The following SGCD variants were observed in gnomAD, a reference collection of about 807,000 sequenced individuals.
The protein encoded by SGCD is sarcoglycan delta, also known as delta-sarcoglycan.
SGCD carries 18 observed loss-of-function variants against 36.6 expected under a neutral mutation model. The observed-to-expected ratio is 0.49, with a 90% CI of 0.34 to 0.73. SGCD has a LOEUF of 0.73. Ranked by LOEUF, SGCD falls within the 30% of genes least tolerant of loss-of-function variation. SGCD has a pLI of 0.01. For synonymous variants in SGCD, 133 were observed against 130.6 expected (o/e 1.02, Z -0.12); for missense variants, 387 against 346.7 (o/e 1.12, Z -0.92).
At position 155,989,265 on chromosome 5, in the gene SGCD, A is replaced by G. The variant is rs536981579; in HGVS notation, c.-282+118841A>G. Reference sequence around the variant, plus strand: ...CTGCCATTGCAGTATCAACACAGCCATAGACAATATGTATATGTTTTATGT... The same window carrying G: ...CTGCCATTGCAGTATCAACACAGCCGTAGACAATATGTATATGTTTTATGT... On this transcript the variant is annotated intron_variant, in intron 1 of 9. Coordinates refer to the SGCD transcript ENST00000517913. Among the ~76,000 whole-genome samples the G allele has an allele frequency of 2.2e-4, 34 of 152,334 alleles. No individual in the cohort carries two copies. The South Asian group carries it at 6.4e-3, about 29-fold the overall frequency.
chr5:155,728,497 G>C, the SGCD span, among the ~76,000 whole-genome samples: 1 of 152,214 alleles, frequency 6.6e-6, no homozygotes, highest in East Asian at 1.9e-4. Flanking sequence ...TGTGAGCAAG[G>C]GACACCCACA....
chr5:156,362,374 G>C (rs1193699102), intron 3 of SGCD, among the ~76,000 whole-genome samples: 1 of 152,182 alleles, frequency 6.6e-6, no homozygotes, highest in Non-Finnish European at 1.5e-5. Context: ...AGGCTGGCAC[G>C]TGGTGGCTCA....
intron 3 of SGCD, among the ~76,000 whole-genome samples, chr5:156,368,082 C>G (rs146866271): frequency 6.6e-6 from 1 of 151,732 alleles, no homozygotes; most frequent in Non-Finnish European, 1.5e-5. Context: ...TCTGTATTCA[C>G]GCTTGCTTTT....
intron 1 of SGCD, among the ~76,000 whole-genome samples, chr5:156,089,144 C>T (rs2127593653): frequency 6.6e-6 from 1 of 152,310 alleles, no homozygotes; most frequent in Middle Eastern, 3.4e-3. Flanking sequence ...TAACCCTGGA[C>T]TCACTGAACA....
At chr5:156,324,640 G>A (rs1181404375), upstream of SGCD, among the ~76,000 whole-genome samples, 6 of 152,206 alleles carry the variant, frequency 3.9e-5, no homozygotes, top group East Asian at 5.8e-4. Context: ...GCAGGGTCTC[G>A]TGAATCATAT....
chr5:156,122,775 A>G (rs1359256956), intron 2 of SGCD, among the ~76,000 whole-genome samples: 2 of 141,112 alleles, frequency 1.4e-5, no homozygotes, highest in Non-Finnish European at 3.0e-5. Flanking sequence ...CTAGTCTGAG[A>G]GAGCCTGCTG....
intron 2 of SGCD, among the ~76,000 whole-genome samples, chr5:156,330,164 A>G (rs193230696): frequency 1.4e-4 from 21 of 152,226 alleles, no homozygotes; most frequent in Admixed American, 1.4e-3. Flanking sequence ...GCTCAAAGGA[A>G]TTATTTATTG....
chr5:155,977,233 T>C lies in SGCD; in HGVS notation c.-282+106809T>C, dbSNP rs559339551. ...TGAGTTGTTGATTCCTGCCGCCCATTTAGTGTTCACATCACTTATTGTTTT... is the reference window on the plus strand; with the variant it reads ...TGAGTTGTTGATTCCTGCCGCCCATCTAGTGTTCACATCACTTATTGTTTT... On this transcript the variant is annotated intron_variant, in intron 1 of 9. Transcript: ENST00000517913. Among the ~76,000 whole-genome samples, 55 of 152,316 alleles carry C rather than the reference T, an allele frequency of 3.6e-4. No individual in the cohort carries two copies. The South Asian group carries it at 4.6e-3, about 13-fold the overall frequency.
chr5:156,120,329 C>T (rs147356899), intron 2 of SGCD, among the ~76,000 whole-genome samples: 1 of 152,098 alleles, frequency 6.6e-6, no homozygotes, highest in Non-Finnish European at 1.5e-5. Context: ...AATTGTCTCT[C>T]TCTATCAAGC....
intron 6 of SGCD, among the ~76,000 whole-genome samples, chr5:156,610,482 G>A (rs147755620): frequency 0.036 from 5,436 of 152,268 alleles, 325 homozygotes; most frequent in African/African-American, 0.12. Context: ...TAGGCTCCTC[G>A]GGGGTCAGGG....
chr5:156,380,899 G>C (rs1213048735), intron 3 of SGCD, among the ~76,000 whole-genome samples: 1 of 152,210 alleles, frequency 6.6e-6, no homozygotes, highest in Non-Finnish European at 1.5e-5. Context: ...AAGTCGAGTA[G>C]AAGATGTATG....
At chr5:155,843,263 A>G in the SGCD span, among the ~76,000 whole-genome samples, 2 of 152,202 alleles carry the variant, frequency 1.3e-5, no homozygotes, top group Non-Finnish European at 2.9e-5. Flanking sequence ...TGGGTTGAGG[A>G]TAGCCAATTT....
At chr5:155,849,152 A>G in the SGCD span, among the ~76,000 whole-genome samples, 1 of 152,178 alleles carries the variant, frequency 6.6e-6, no homozygotes, top group Non-Finnish European at 1.5e-5. Flanking sequence ...TGCACATTTA[A>G]TTAAACTAAT....
chr5:156,455,441 T>A (rs1223294427), intron 3 of SGCD, among the ~76,000 whole-genome samples: 1 of 93,752 alleles, frequency 1.1e-5, no homozygotes, highest in Non-Finnish European at 2.0e-5. Flanking sequence ...GGGGAGAAAT[T>A]TCAAAGACTT....
chr5:156,301,548 A>G (rs1046477994), intron 3 of SGCD, among the ~76,000 whole-genome samples: 25 of 152,082 alleles, frequency 1.6e-4, no homozygotes, highest in African/African-American at 4.3e-4. Flanking sequence ...AAATACCTCA[A>G]TTACAGGGGT....
chr5:155,833,611 AG>A, the SGCD span, among the ~76,000 whole-genome samples: 1 of 152,284 alleles, frequency 6.6e-6, no homozygotes, highest in East Asian at 1.9e-4. Context: ...TTTGAAACCA[AG>A]GGGGGAAAAG....
rs1491220405 is a variant in SGCD at position 156,558,123 on chromosome 5, ATT to A, written c.295-31107_295-31106del. ...TATATATATATATATATATATATAT[ATT>A]ATTTAACTCTCTTTTAAAGGCAGTT... On this transcript the variant is annotated intron_variant, in intron 4 of 8. Transcript: ENST00000337851. Among the ~76,000 whole-genome samples, 651 of 126,234 alleles carry A rather than the reference ATT, an allele frequency of 5.2e-3. 18 individuals carry two copies. The highest frequency in any genetic ancestry group is 0.015 in the African/African-American group (503 of 34,462). 82.8% of individuals were successfully genotyped at this position (126,234 alleles called of 152,430 possible).
rs895053596 is a variant in SGCD at position 156,346,793 on chromosome 5, T to A, written c.192+2116T>A. On this transcript the variant is annotated intron_variant, in intron 3 of 8. Transcript: ENST00000337851. The stretch of plus-strand genomic sequence containing the variant: ...TTGGGCTTTACTTTATTTTTTTATT[T>A]TTTTTATTTTTTTATTTTTTGTGAG... Among the ~76,000 whole-genome samples, 110 of 151,900 alleles carry A rather than the reference T, an allele frequency of 7.2e-4. 1 individual carries two copies. Among genetic ancestry groups the A allele is most frequent in the African/African-American group, 2.6e-3 (106 of 41,432 alleles).
At chr5:156,165,951 G>A (rs776991853) in intron 3 of SGCD, among the ~76,000 whole-genome samples, 28 of 152,268 alleles carry the variant, frequency 1.8e-4, no homozygotes, top group Non-Finnish European at 3.2e-4. Flanking sequence ...GTTTTTTGAC[G>A]GAGATGCTTA....
Sources: allele counts gnomAD v4.1 joint callset (sites outside exome capture counted in the v4.1 genomes callset), GRCh38; gene constraint gnomAD v4.1.1; transcripts MANE v1.5; gene names NCBI Gene and HGNC (gene_info 2026-07-23, HGNC 2026-07-21).